The following AGBL1 variants were observed in gnomAD, a reference collection of about 807,000 sequenced individuals.
The protein encoded by AGBL1 is cytosolic carboxypeptidase 4.
In AGBL1, 130 loss-of-function variants were observed where a neutral mutation model predicts 118.9. The observed-to-expected ratio is 1.09, with a 90% CI of 0.95 to 1.26. The LOEUF (loss-of-function observed/expected upper bound fraction) is 1.26, where lower values mean the gene tolerates loss of function less well. Among genes scored for constraint, AGBL1 ranks in the 50% most tolerant of loss-of-function variants. The pLI, the probability that AGBL1 is intolerant of heterozygous loss-of-function variation, is 0.00. For missense variants in AGBL1, 1,584 were observed against 1,298.1 expected, an observed-to-expected ratio of 1.22 and a Z score of -3.38; for synonymous variants, 555 against 478.9, an observed-to-expected ratio of 1.16 and a Z score of -2.08.
At chr15:86,754,257 A>G (rs552748085) in intron 22 of AGBL1, among the ~76,000 whole-genome samples, 3 of 152,208 alleles carry the variant, frequency 2.0e-5, no homozygotes, top group South Asian at 4.1e-4. Flanking sequence ...CTTAATTAGT[A>G]CTTGTGTTTG....
chr15:86,401,471 T>TG (rs2081444745), intron 18 of AGBL1, among the ~76,000 whole-genome samples: 1 of 151,802 alleles, frequency 6.6e-6, no homozygotes, highest in African/African-American at 2.4e-5. Context: ...GGTCTCTTTT[T>TG]TTGTTGTTGT....
chr15:86,447,540 G>A (rs573251546), intron 18 of AGBL1, among the ~76,000 whole-genome samples: 1 of 152,184 alleles, frequency 6.6e-6, no homozygotes, highest in African/African-American at 2.4e-5. Context: ...AGCAACATCA[G>A]TCAAAGTGTT....
intron 18 of AGBL1, among the ~76,000 whole-genome samples, chr15:86,435,026 G>A (rs1291100240): frequency 6.6e-6 from 1 of 152,166 alleles, no homozygotes; most frequent in Admixed American, 6.6e-5. Flanking sequence ...AAAGATCCTT[G>A]AGCTATTGTA....
At chr15:86,098,001 A>C (rs576734201) in intron 1 of AGBL1, among the ~76,000 whole-genome samples, 2 of 152,112 alleles carry the variant, frequency 1.3e-5, no homozygotes, top group Non-Finnish European at 2.9e-5. Flanking sequence ...CTTTTTAATA[A>C]TATCCATTCT....
intron 5 of AGBL1, among the ~76,000 whole-genome samples, chr15:86,168,619 T>C (rs1597486345): frequency 6.6e-6 from 1 of 152,162 alleles, no homozygotes; most frequent in East Asian, 1.9e-4. Context: ...TATCATATTA[T>C]GAAGCAACAC....
chr15:86,242,897 A>G (rs1315640842), intron 6 of AGBL1, among the ~76,000 whole-genome samples: 4 of 152,152 alleles, frequency 2.6e-5, no homozygotes, highest in African/African-American at 9.7e-5. Context: ...GAGAAATTCA[A>G]TTTTTTGAGT....
chr15:86,960,330 C>A (rs114088833), intron 23 of AGBL1, among the ~76,000 whole-genome samples: 29 of 152,094 alleles, frequency 1.9e-4, no homozygotes, highest in African/African-American at 6.3e-4. Context: ...ATGCTCATAT[C>A]TATAAACTAC....
rs181389095 is a variant in AGBL1 at position 87,025,807 on chromosome 15, G to A, written c.3324-3018G>A. Among the ~76,000 whole-genome samples the A allele has an allele frequency of 5.4e-3, 820 of 152,028 alleles. 4 individuals carry two copies. The highest frequency in any genetic ancestry group is 8.4e-3 in the Non-Finnish European group (571 of 67,966). On this transcript the variant is annotated intron_variant, in intron 24 of 24. Transcript: ENST00000441037. ...ACAGCATGGTACTGGTATAAGAATA[G>A]GCACATAGACTAATGGAACAGAGTA...
At chr15:86,338,908 T>C (rs1259516511) in intron 17 of AGBL1, among the ~76,000 whole-genome samples, 1 of 152,190 alleles carries the variant, frequency 6.6e-6, no homozygotes, top group African/African-American at 2.4e-5. Flanking sequence ...TGTAGGTTTG[T>C]TGTGGATGAT....
intron 22 of AGBL1, among the ~76,000 whole-genome samples, chr15:86,680,547 T>C (rs1285381093): frequency 2.0e-5 from 3 of 147,922 alleles, no homozygotes; most frequent in Non-Finnish European, 4.5e-5. Context: ...TTTTCTTTTT[T>C]CTTTCTTTCT....
chr15:86,402,118 A>AT (rs1002430213), intron 18 of AGBL1, among the ~76,000 whole-genome samples: 22 of 150,884 alleles, frequency 1.5e-4, no homozygotes, highest in African/African-American at 4.6e-4. Context: ...GTCACCTGTG[A>AT]TTTTTTTTCA....
chr15:86,982,385 A>C (rs2081239610), intron 23 of AGBL1, among the ~76,000 whole-genome samples: 1 of 140,528 alleles, frequency 7.1e-6, no homozygotes, highest in Non-Finnish European at 1.6e-5. Flanking sequence ...CTTGTGGTAC[A>C]TTCTTATTTT....
chr15:86,767,913 C>T (rs550141764), intron 22 of AGBL1, among the ~76,000 whole-genome samples: 1 of 151,948 alleles, frequency 6.6e-6, no homozygotes, highest in African/African-American at 2.4e-5. Context: ...TTGCATAACT[C>T]AACCTTTTTG....
At chr15:86,135,992 T>G (rs1254339223) in intron 1 of AGBL1, among the ~76,000 whole-genome samples, 1 of 152,148 alleles carries the variant, frequency 6.6e-6, no homozygotes, top group Non-Finnish European at 1.5e-5. Context: ...AAAAGACATA[T>G]GTGGGCATTC....
intron 22 of AGBL1, among the ~76,000 whole-genome samples, chr15:86,840,276 C>G (rs900833919): frequency 6.6e-6 from 1 of 152,198 alleles, no homozygotes. Flanking sequence ...GAGGGCAAGT[C>G]ACAGACAAAT....
At chr15:86,713,522 T>C (rs947384216) in intron 22 of AGBL1, among the ~76,000 whole-genome samples, 1 of 152,182 alleles carries the variant, frequency 6.6e-6, no homozygotes, top group Non-Finnish European at 1.5e-5. Context: ...CCAGTGCCCA[T>C]AGAGCACTAG....
intron 22 of AGBL1, among the ~76,000 whole-genome samples, chr15:86,742,083 G>A (rs1047186256): frequency 6.6e-6 from 1 of 151,880 alleles, no homozygotes; most frequent in African/African-American, 2.4e-5. Flanking sequence ...TGAGAGGCCG[G>A]CAGTGACTCT....
rs77640104 is a variant in AGBL1 at position 86,708,194 on chromosome 15, A to G, written c.3158+33758A>G. Among the ~76,000 whole-genome samples, 7 of 152,194 alleles carry G rather than the reference A, an allele frequency of 4.6e-5. No homozygotes were observed. In the East Asian group the frequency reaches 1.4e-3, roughly 30 times the overall value. On this transcript the variant is annotated intron_variant, in intron 22 of 22. Transcript: ENST00000614907. ...ATTAGGGGTTAAAGTTGAAGCCAAT[A>G]TTTGGCCAATATTGGATTGGACCCA...
intron 17 of AGBL1, among the ~76,000 whole-genome samples, chr15:86,333,124 A>G (rs2080301520): frequency 6.6e-6 from 1 of 152,186 alleles, no homozygotes; most frequent in African/African-American, 2.4e-5. Flanking sequence ...TGTCACACCT[A>G]GAGGAACTAG....
Sources: gnomAD v4.1 joint callset for allele counts (sites outside exome capture counted in the v4.1 genomes callset) on GRCh38, gnomAD v4.1.1 for gene constraint, MANE v1.5 for transcripts, NCBI Gene and HGNC (gene_info 2026-07-23, HGNC 2026-07-21) for gene names.